SGMS1: variants seen among roughly 807,000 people sequenced by gnomAD.
SGMS1 encodes the protein sphingomyelin synthase 1.
In SGMS1, 13 loss-of-function variants were observed where a neutral mutation model predicts 46.2. The ratio of observed to expected loss-of-function variants is 0.28; its 90% CI spans 0.18 to 0.45. The LOEUF (loss-of-function observed/expected upper bound fraction) is 0.45, where lower values mean the gene tolerates loss of function less well. Among genes scored for constraint, SGMS1 ranks in the 20% least tolerant of loss-of-function variants. SGMS1 has a pLI of 1.00. For missense variants in SGMS1, 324 were observed against 519.9 expected (o/e 0.62, Z 3.66); for synonymous variants, 203 against 187.8 (o/e 1.08, Z -0.66).
chr10:50,522,850 A>G (rs1837868167), intron 2 of SGMS1, among the ~76,000 whole-genome samples: 1 of 152,156 alleles, frequency 6.6e-6, no homozygotes, highest in Admixed American at 6.5e-5. Flanking sequence ...TGGTACCGCC[A>G]TTCTGTTCTT....
intron 6 of SGMS1, among the ~76,000 whole-genome samples, chr10:50,432,591 T>C (rs1033994661): frequency 1.3e-5 from 2 of 152,156 alleles, no homozygotes; most frequent in African/African-American, 4.8e-5. Flanking sequence ...AGCTTGGCAA[T>C]AGGTAAGGAA....
intron 2 of SGMS1, among the ~76,000 whole-genome samples, chr10:50,542,438 A>G (rs1838061492): frequency 6.6e-6 from 1 of 152,108 alleles, no homozygotes; most frequent in Non-Finnish European, 1.5e-5. Context: ...AGATTGAGAC[A>G]AAGAAGAAAC....
At position 50,314,214 on chromosome 10, in the gene SGMS1, T is replaced by C. The variant is rs534392397; in HGVS notation, c.742-2799A>G. On this transcript the variant is annotated intron_variant, in intron 8 of 10. Transcript: ENST00000361781. ...AACATAACAGGAGCTCATTTTCCCA[T>C]GTTGAATTAGCAAAGCTTAAAAGAA... Among the ~76,000 whole-genome samples, 43 of 151,956 alleles carry C rather than the reference T, an allele frequency of 2.8e-4. 1 individual carries two copies. Among genetic ancestry groups the C allele is most frequent in the Middle Eastern group, 6.8e-3 (2 of 294 alleles).
At chr10:50,320,249 G>A (rs939788116) in intron 8 of SGMS1, among the ~76,000 whole-genome samples, 7 of 152,050 alleles carry the variant, frequency 4.6e-5, no homozygotes, top group East Asian at 1.9e-4. Flanking sequence ...AGCATCATCC[G>A]TCTCCCTCAC....
upstream of SGMS1, chr10:50,624,265 C>G (rs1445630855): frequency 5.4e-6 from 2 of 367,412 alleles, no homozygotes; most frequent in Non-Finnish European, 7.5e-6. Flanking sequence ...GGGGCAGGGC[C>G]GGAGACGGGA....
At chr10:50,492,562 A>C (rs1837575716) in intron 3 of SGMS1, among the ~76,000 whole-genome samples, 1 of 152,224 alleles carries the variant, frequency 6.6e-6, no homozygotes, top group Non-Finnish European at 1.5e-5. Flanking sequence ...AATAGCCACA[A>C]AAAGAATAAA....
intron 2 of SGMS1, among the ~76,000 whole-genome samples, chr10:50,570,800 T>A (rs2131857466): frequency 6.6e-6 from 1 of 152,304 alleles, no homozygotes; most frequent in East Asian, 1.9e-4. Context: ...TAGCCAGGCA[T>A]GGTGGCATGT....
At chr10:50,453,266 C>G (rs1174025984) in intron 5 of SGMS1, among the ~76,000 whole-genome samples, 1 of 151,764 alleles carries the variant, frequency 6.6e-6, no homozygotes, top group Non-Finnish European at 1.5e-5. Flanking sequence ...AAAAAACTAC[C>G]ATGTTGACTT....
intron 4 of SGMS1, among the ~76,000 whole-genome samples, chr10:50,463,262 A>C (rs1262912268): frequency 6.6e-6 from 1 of 152,202 alleles, no homozygotes; most frequent in Admixed American, 6.5e-5. Context: ...ATATTTGTAA[A>C]CCATATATCT....
At chr10:50,400,107 A>G (rs1480821768) in intron 6 of SGMS1, among the ~76,000 whole-genome samples, 2 of 151,506 alleles carry the variant, frequency 1.3e-5, no homozygotes, top group South Asian at 2.1e-4. Flanking sequence ...CACTGGTTAG[A>G]TGGGTTTTAC....
At position 50,327,303 on chromosome 10, in the gene SGMS1, A is replaced by G. The variant is rs1294249336; in HGVS notation, c.643T>C (p.Phe215Leu). The G allele has an allele frequency of 6.2e-7, 1 of 1,602,276 alleles. No homozygotes were observed. Among genetic ancestry groups the G allele is most frequent in the Non-Finnish European group, 8.5e-7 (1 of 1,171,448 alleles). ...LKYKSIISRR[F>L]FCIVGTLYLY... is the part of the protein sequence containing the mutation. ...TACAGCGTGCCAACTATGCAGAAAA[A>G]TCTTCTGCTAATAATAGACCTAGAA... Residue 215 changes from phenylalanine to leucine, a missense_variant, in exon 8 of 11, where the codon TTT becomes CTT. Phe to Leu is a conservative substitution (Grantham distance 22, BLOSUM62 0). Around this residue, in one of 2 missense-constraint regions of SGMS1, gnomAD observed 174 missense variants for 350.1 expected, o/e 0.50. Transcript: ENST00000361781.
At chr10:50,419,631 G>T (rs1199787951) in intron 6 of SGMS1, among the ~76,000 whole-genome samples, 1 of 152,158 alleles carries the variant, frequency 6.6e-6, no homozygotes, top group Admixed American at 6.5e-5. Context: ...ATACTTAAAA[G>T]AAACTTTATT....
chr10:50,442,538 A>G (rs1220625889), intron 5 of SGMS1, among the ~76,000 whole-genome samples: 3 of 152,188 alleles, frequency 2.0e-5, no homozygotes, highest in African/African-American at 7.2e-5. Context: ...GGATGGCTGC[A>G]TAGTGTTCCA....
chr10:50,306,671 G>C lies in SGMS1; in HGVS notation c.*471C>G, dbSNP rs868590047. On this transcript the variant is annotated 3_prime_UTR_variant, in exon 11 of 11. Transcript: ENST00000361781. ...CGGTGCAACAGGTAGAAAGATTTCA[G>C]AATCAAACCCCATTCAGGTACTTAG... 2 of 152,868 alleles carry C rather than the reference G, an allele frequency of 1.3e-5. No homozygotes were observed. Among genetic ancestry groups the C allele is most frequent in the Middle Eastern group, 3.2e-3 (1 of 316 alleles). The allele number at this position is 152,868 out of a possible 1,614,324, so 9.5% of individuals were successfully genotyped here.
At chr10:50,339,916 C>T (rs1249058543) in intron 7 of SGMS1, among the ~76,000 whole-genome samples, 1 of 152,140 alleles carries the variant, frequency 6.6e-6, no homozygotes, top group Non-Finnish European at 1.5e-5. Context: ...CCTTGAGCTT[C>T]AGGCTAAGGA....
At chr10:50,622,831 C>G (rs963669602) in intron 1 of SGMS1, among the ~76,000 whole-genome samples, 13 of 152,266 alleles carry the variant, frequency 8.5e-5, no homozygotes, top group Non-Finnish European at 1.2e-4. Context: ...GGCACTCTAT[C>G]CGGCCCACGG....
chr10:50,557,943 C>G (rs558765937), intron 2 of SGMS1, among the ~76,000 whole-genome samples: 1 of 152,278 alleles, frequency 6.6e-6, no homozygotes, highest in South Asian at 2.1e-4. Context: ...TTTGAGTTTA[C>G]AAAGGTAACT....
chr10:50,597,752 T>A (rs60613759), intron 1 of SGMS1, among the ~76,000 whole-genome samples: 6,184 of 152,034 alleles, frequency 0.041, 543 homozygotes, highest in East Asian at 0.36. Flanking sequence ...GTGGCTCACA[T>A]CTGTAATCCC....
chr10:50,593,302 G>A (rs1380114211), intron 1 of SGMS1, among the ~76,000 whole-genome samples: 1 of 152,188 alleles, frequency 6.6e-6, no homozygotes, highest in Non-Finnish European at 1.5e-5. Context: ...GAGAGACTGC[G>A]AGTCAGAACC....
Sources: allele counts gnomAD v4.1 joint callset (sites outside exome capture counted in the v4.1 genomes callset), GRCh38; gene constraint gnomAD v4.1.1; regional missense constraint gnomAD v4.1.1; transcripts MANE v1.5; gene names NCBI Gene and HGNC (gene_info 2026-07-23, HGNC 2026-07-21).